UFL1: variants seen among roughly 807,000 people sequenced by gnomAD.
UFL1 encodes the protein E3 UFM1-protein ligase 1.
Under a neutral mutation model 99.3 loss-of-function variants are expected in UFL1, and 78 were observed. The ratio of observed to expected loss-of-function variants is 0.79; its 90% CI spans 0.65 to 0.95. The LOEUF (loss-of-function observed/expected upper bound fraction) is 0.95. Ranked by LOEUF, UFL1 falls within the 40% of genes least tolerant of loss-of-function variation. The probability of loss-of-function intolerance (pLI) is 0.00; values close to 1 mark genes in which losing one functional copy is unlikely to be tolerated. For missense variants in UFL1, 936 were observed against 937.0 expected (o/e 1.00, Z 0.01); for synonymous variants, 335 against 322.2 (o/e 1.04, Z -0.42).
rs1444513566 is a variant in UFL1 at position 96,538,880 on chromosome 6, GA to G, written c.1158+75del. The G allele has an allele frequency of 2.3e-6, 3 of 1,329,234 alleles. No individual in the cohort carries two copies. The East Asian group carries it at 7.2e-5, about 32-fold the overall frequency. The allele number at this position is 1,329,234 out of a possible 1,614,324, so 82.3% of individuals were successfully genotyped here. On this transcript the variant is annotated intron_variant, in intron 10 of 18. Coordinates refer to ENST00000369278, the MANE Select transcript of UFL1 (RefSeq NM_015323.5). ...AATTTAGAATCATCTGATGTCTTTT[GA>G]AAAAGGGGATAAGTGAAAGTGAACA... is the stretch of plus-strand genomic sequence containing the variant.
At chr6:96,523,584 AG>A (rs1202740416) in intron 2 of UFL1, among the ~76,000 whole-genome samples, 1 of 152,134 alleles carries the variant, frequency 6.6e-6, no homozygotes, top group African/African-American at 2.4e-5. Flanking sequence ...TGCATGACTC[AG>A]GGAAGGGTAT....
chr6:96,548,083 AT>A, intron 12 of UFL1, 80 bp from the exon 13 acceptor site: 2 of 829,146 alleles, frequency 2.4e-6, no homozygotes, highest in South Asian at 3.5e-5. Flanking sequence ...CTTACTAAAT[AT>A]AGTAATGGAG....
rs566180908 is a variant in UFL1 at position 96,536,482 on chromosome 6, A to C, written c.802+92A>C. Reference sequence around the variant, plus strand: ...ATACTAACCCTAGAGTCCTCCTTTGATCTGTGGGTTATATTAAAAATAATA... The same window carrying C: ...ATACTAACCCTAGAGTCCTCCTTTGCTCTGTGGGTTATATTAAAAATAATA... On this transcript the variant is annotated intron_variant, in intron 8 of 18. Coordinates refer to ENST00000369278, the MANE Select transcript of UFL1 (RefSeq NM_015323.5). 44 of 879,788 alleles carry C rather than the reference A, an allele frequency of 5.0e-5. No individual in the cohort carries two copies. The African/African-American group carries it at 7.0e-4, about 14-fold the overall frequency. 54.5% of individuals were successfully genotyped at this position (879,788 alleles called of 1,614,324 possible). A position where few individuals can be genotyped will look rare whatever the true frequency, so the allele number is the denominator to read the frequency against.
intron 18 of UFL1, among the ~76,000 whole-genome samples, 158 bp from the exon 19 acceptor site, chr6:96,553,126 TC>T: frequency 6.6e-6 from 1 of 152,170 alleles, no homozygotes; most frequent in East Asian, 1.9e-4. Flanking sequence ...AATTGTACAC[TC>T]CTTGAGAGCA....
At chr6:96,549,833 G>A in intron 15 of UFL1, 34 bp downstream of exon 15, 3 of 1,601,464 alleles carry the variant, frequency 1.9e-6, no homozygotes, top group Non-Finnish European at 2.6e-6. Flanking sequence ...CTATTGATGT[G>A]TTCTGTTTTG....
At chr6:96,548,075 TACTA>T in intron 12 of UFL1, 85 bp from the exon 13 acceptor site, 2 of 794,952 alleles carry the variant, frequency 2.5e-6, no homozygotes, top group Non-Finnish European at 4.0e-6. Flanking sequence ...ATTATTGTCT[TACTA>T]AATATAGTAA....
intron 15 of UFL1, 100 bp downstream of exon 15, chr6:96,549,899 G>A (rs1466352552): frequency 6.8e-7 from 1 of 1,474,802 alleles, no homozygotes; most frequent in Non-Finnish European, 9.0e-7. Flanking sequence ...ATAAAATACA[G>A]TGAAAGAGGT....
chr6:96,538,664 G>A lies in UFL1; in HGVS notation c.1012G>A (p.Ala338Thr). 1 of 1,611,090 alleles carries A rather than the reference G, an allele frequency of 6.2e-7. No individual in the cohort carries two copies. Among genetic ancestry groups the A allele is most frequent in the Non-Finnish European group, 8.5e-7 (1 of 1,178,024 alleles). Residue 338 changes from alanine (A) to threonine (T), a missense_variant, in exon 10 of 19, where the codon GCT becomes ACT. Physicochemically the swap from Ala to Thr is moderately conservative, Grantham distance 58 (BLOSUM62 0). Coordinates refer to ENST00000369278, the MANE Select transcript of UFL1 (RefSeq NM_015323.5). ...ACCCACTTCTTTATCAGTTGAAGAT[G>A]CTGCCATATTGCTTCAGCAGGTGAT... ...LLPTSLSVEDAAILLQQVMRA... is the reference protein window; with the variant it reads ...LLPTSLSVEDTAILLQQVMRA...
intron 12 of UFL1, among the ~76,000 whole-genome samples, chr6:96,547,111 TAG>T (rs1346209019): frequency 6.6e-6 from 1 of 151,380 alleles, no homozygotes; most frequent in Non-Finnish European, 1.5e-5. Context: ...GACTAATATC[TAG>T]AGTCTACGAA....
chr6:96,528,135 A>G (rs953872724), intron 5 of UFL1, among the ~76,000 whole-genome samples: 4 of 152,192 alleles, frequency 2.6e-5, no homozygotes, highest in Non-Finnish European at 2.9e-5. Flanking sequence ...ACCCATTTGT[A>G]TGTCTTGGCT....
chr6:96,529,837 G>C (rs756501641), intron 6 of UFL1, among the ~76,000 whole-genome samples: 1 of 152,192 alleles, frequency 6.6e-6, no homozygotes, highest in Non-Finnish European at 1.5e-5. Context: ...TAGAAGGAGA[G>C]CATGTATTCT....
In UFL1 at chr6:96,553,282, C is replaced by T; in HGVS notation, c.2167-3C>T. On this transcript the variant is annotated splice_region_variant and splice_polypyrimidine_tract_variant and intron_variant, in intron 18 of 18. Transcript: ENST00000369278. Reference sequence around the variant, plus strand: ...TGATTAACTTTTCTTTCCCTTTTCACAGGATCAGCATGCTCTTTTGGTAAA... The same window carrying T: ...TGATTAACTTTTCTTTCCCTTTTCATAGGATCAGCATGCTCTTTTGGTAAA... The T allele has an allele frequency of 6.2e-7, 1 of 1,608,372 alleles. No homozygotes were observed. The highest frequency in any genetic ancestry group is 1.3e-5 in the African/African-American group (1 of 74,554).
chr6:96,525,954 C>T (rs990920821), intron 4 of UFL1, among the ~76,000 whole-genome samples: 12 of 151,826 alleles, frequency 7.9e-5, no homozygotes, highest in Non-Finnish European at 1.8e-4. Context: ...AATGTGGTGG[C>T]TCGCACCTGT....
intron 15 of UFL1, among the ~76,000 whole-genome samples, chr6:96,550,446 G>T (rs957853477): frequency 2.0e-5 from 3 of 151,940 alleles, no homozygotes; most frequent in Non-Finnish European, 2.9e-5. Flanking sequence ...AGGAAAAAGC[G>T]TCTTGATGTG....
intron 11 of UFL1, 152 bp downstream of exon 11, chr6:96,540,807 T>A: frequency 1.1e-6 from 1 of 884,432 alleles, no homozygotes; most frequent in Non-Finnish European, 1.6e-6. Flanking sequence ...GCTAATGTGT[T>A]AAGTTTTATA....
At chr6:96,530,688 A>G (rs1769770832) in intron 6 of UFL1, among the ~76,000 whole-genome samples, 1 of 152,098 alleles carries the variant, frequency 6.6e-6, no homozygotes, top group African/African-American at 2.4e-5. Flanking sequence ...ATCATTCTTG[A>G]AACTTTCTTT....
At chr6:96,529,848 A>G (rs577096617) in intron 6 of UFL1, among the ~76,000 whole-genome samples, 1 of 152,168 alleles carries the variant, frequency 6.6e-6, no homozygotes, top group Non-Finnish European at 1.5e-5. Context: ...CATGTATTCT[A>G]ATGAAATGAT....
At chr6:96,533,154 A>G (rs547286674) in intron 6 of UFL1, among the ~76,000 whole-genome samples, 27 of 152,196 alleles carry the variant, frequency 1.8e-4, no homozygotes, top group Non-Finnish European at 3.7e-4. Context: ...TAAAAGGAAT[A>G]GAAAAGAAAT....
chr6:96,538,647 CTTT>C lies in UFL1; in HGVS notation c.996_998del (p.Leu333del). 1.2e-6 allele frequency: 2 copies of C among 1,610,760 alleles called. No homozygotes were observed. The highest frequency in any genetic ancestry group is 1.7e-6 in the Non-Finnish European group (2 of 1,177,998). Reference sequence around the variant, plus strand: ...TAATTCTAGCCTCTGCTACCCACTTCTTTATCAGTTGAAGATGCTGCCATATTG... The same window carrying C: ...TAATTCTAGCCTCTGCTACCCACTTCATCAGTTGAAGATGCTGCCATATTG... On this transcript the variant is annotated inframe_deletion, in exon 10 of 19. Coordinates refer to ENST00000369278, the MANE Select transcript of UFL1 (RefSeq NM_015323.5).
Sources: allele counts gnomAD v4.1 joint callset (sites outside exome capture counted in the v4.1 genomes callset), GRCh38; gene constraint gnomAD v4.1.1; transcripts MANE v1.5; gene names NCBI Gene and HGNC (gene_info 2026-07-23, HGNC 2026-07-21).